Variants in LRP1B observed in about 807,000 individuals in gnomAD.
LRP1B encodes the protein LDL receptor related protein 1B, also known as low-density lipoprotein receptor-related protein 1B.
LRP1B carries 217 observed loss-of-function variants against 556.6 expected under a neutral mutation model. The observed-to-expected ratio is 0.39, with a 90% CI of 0.35 to 0.44. The LOEUF is 0.44. LRP1B is among the 20% of genes least tolerant of loss of function. The probability of loss-of-function intolerance (pLI) is 1.00; values close to 1 mark genes in which losing one functional copy is unlikely to be tolerated. For synonymous variants in LRP1B, 2,047 were observed against 1,865.8 expected (o/e 1.10, Z -2.50); for missense variants, 5,053 against 5,620.8 (o/e 0.90, Z 3.23).
chr2:141,131,571 T>C (rs147112384), intron 7 of LRP1B, among the ~76,000 whole-genome samples: 2,204 of 151,742 alleles, frequency 0.015, 23 homozygotes, highest in Middle Eastern at 0.045. Context: ...TTTTACATTC[T>C]ATACAAAAAA....
intron 25 of LRP1B, among the ~76,000 whole-genome samples, chr2:140,870,341 T>A (rs1693089791): frequency 6.6e-6 from 1 of 152,124 alleles, no homozygotes; most frequent in Non-Finnish European, 1.5e-5. Context: ...TTGTCTATTG[T>A]TTGAGCTCAT....
chr2:140,988,100 C>A (rs1280923699), intron 17 of LRP1B, among the ~76,000 whole-genome samples: 1 of 152,080 alleles, frequency 6.6e-6, no homozygotes, highest in Non-Finnish European at 1.5e-5. Context: ...AGCTAATATG[C>A]AGGATAATAT....
In LRP1B at chr2:140,716,771, C is replaced by T. The variant is rs1403725548; in HGVS notation, c.5804G>A (p.Ser1935Asn). 6.2e-7 allele frequency: 1 copy of T among 1,609,446 alleles called. No homozygotes were observed. The highest frequency in any genetic ancestry group is 1.3e-5 in the African/African-American group (1 of 74,678). ...YWTDMGFNKISRAKRDQTWKE... is the reference protein window; with the variant it reads ...YWTDMGFNKINRAKRDQTWKE... ...CCAAGTCTGATCTCTTTTAGCTCTGCTAATTTTATTGAAGCCCATGTCTGT... is the reference window on the plus strand; with the variant it reads ...CCAAGTCTGATCTCTTTTAGCTCTGTTAATTTTATTGAAGCCCATGTCTGT... Residue 1935 changes from serine to asparagine, a missense_variant, in exon 36 of 91, where the codon AGC (serine) becomes AAC (asparagine). Ser to Asn is a conservative substitution (Grantham distance 46). Coordinates refer to ENST00000389484, the MANE Select transcript of LRP1B (RefSeq NM_018557.3).
intron 83 of LRP1B, among the ~76,000 whole-genome samples, chr2:140,303,658 TAAA>T (rs1345741936): frequency 1.3e-5 from 2 of 152,272 alleles, no homozygotes; most frequent in East Asian, 1.9e-4. Flanking sequence ...TATTTTTTAA[TAAA>T]AAATCTTTTT....
At chr2:140,986,061 T>C (rs1696913423) in intron 17 of LRP1B, among the ~76,000 whole-genome samples, 2 of 151,780 alleles carry the variant, frequency 1.3e-5, no homozygotes, top group South Asian at 4.1e-4. Flanking sequence ...AAAATTATTT[T>C]ATATTTTATA....
At chr2:141,878,859 G>A (rs1574456882) in intron 1 of LRP1B, among the ~76,000 whole-genome samples, 1 of 151,880 alleles carries the variant, frequency 6.6e-6, no homozygotes, top group South Asian at 2.1e-4. Context: ...TCCTTGAAGG[G>A]TTATTTCTTC....
intron 3 of LRP1B, among the ~76,000 whole-genome samples, chr2:141,318,071 C>T (rs776230277): frequency 6.6e-6 from 1 of 152,140 alleles, no homozygotes; most frequent in Non-Finnish European, 1.5e-5. Flanking sequence ...GGGTTAACTT[C>T]TGATGTCTTG....
At chr2:141,050,207 AT>A (rs2105447792) in intron 10 of LRP1B, among the ~76,000 whole-genome samples, 1 of 152,024 alleles carries the variant, frequency 6.6e-6, no homozygotes, top group East Asian at 1.9e-4. Context: ...AAATAATAAA[AT>A]AAAAAATAAG....
At chr2:141,315,701 T>C (rs969968195) in intron 3 of LRP1B, among the ~76,000 whole-genome samples, 13 of 151,998 alleles carry the variant, frequency 8.6e-5, no homozygotes, top group Admixed American at 6.5e-4. Flanking sequence ...GAAGATTCTC[T>C]GACTTTGATG....
intron 21 of LRP1B, among the ~76,000 whole-genome samples, chr2:140,914,479 G>A (rs1694515837): frequency 6.6e-6 from 1 of 152,254 alleles, no homozygotes; most frequent in Admixed American, 6.5e-5. Flanking sequence ...AGAATGTTCA[G>A]CAATGCATCG....
At chr2:140,444,245 T>C in intron 65 of LRP1B, 85 bp downstream of exon 65, 1 of 1,380,716 alleles carries the variant, frequency 7.2e-7, no homozygotes, top group Non-Finnish European at 1.0e-6. Context: ...CTACATCATA[T>C]GAATTTATGA....
At chr2:142,112,176 CTCTAG>C (rs1707016533) in intron 1 of LRP1B, among the ~76,000 whole-genome samples, 1 of 152,022 alleles carries the variant, frequency 6.6e-6, no homozygotes, top group African/African-American at 2.4e-5. Context: ...CTCAACCTTA[CTCTAG>C]TCTAGGCGAT....
intron 41 of LRP1B, among the ~76,000 whole-genome samples, chr2:140,685,069 CA>C (rs1297392740): frequency 1.8e-4 from 28 of 152,058 alleles, no homozygotes; most frequent in Non-Finnish European, 1.3e-4. Flanking sequence ...TGCAAATATT[CA>C]AAAAACACTG....
At chr2:141,963,042 G>T (rs1701446247) in intron 1 of LRP1B, among the ~76,000 whole-genome samples, 1 of 151,558 alleles carries the variant, frequency 6.6e-6, no homozygotes, top group African/African-American at 2.4e-5. Flanking sequence ...ATGATTTCAA[G>T]CCAAAGTGAC....
intron 71 of LRP1B, among the ~76,000 whole-genome samples, chr2:140,366,144 G>A (rs1412624386): frequency 6.6e-6 from 1 of 151,650 alleles, no homozygotes; most frequent in Non-Finnish European, 1.5e-5. Context: ...AGACAACACT[G>A]GAGGAAAAAG....
intron 10 of LRP1B, among the ~76,000 whole-genome samples, chr2:141,051,784 GATTA>G (rs555046111): frequency 1.0e-3 from 157 of 151,970 alleles, no homozygotes; most frequent in African/African-American, 3.6e-3. Context: ...TGAATTTTGT[GATTA>G]ATATTATTTT....
At chr2:141,123,041 T>C (rs943639184) in intron 7 of LRP1B, among the ~76,000 whole-genome samples, 1 of 151,934 alleles carries the variant, frequency 6.6e-6, no homozygotes, top group African/African-American at 2.4e-5. Context: ...TAGGTGGGAA[T>C]TGAACAGTGA....
At chr2:141,266,759 C>T (rs1343764219) in intron 3 of LRP1B, among the ~76,000 whole-genome samples, 2 of 152,064 alleles carry the variant, frequency 1.3e-5, no homozygotes, top group Non-Finnish European at 2.9e-5. Context: ...GATTTTATTA[C>T]ACAGATAATT....
At chr2:140,539,963 A>G (rs1680072251) in intron 45 of LRP1B, among the ~76,000 whole-genome samples, 1 of 152,128 alleles carries the variant, frequency 6.6e-6, no homozygotes, top group African/African-American at 2.4e-5. Flanking sequence ...ATCAACTTTC[A>G]CAGTGAGAAA....
Sources: allele counts gnomAD v4.1 joint callset (sites outside exome capture counted in the v4.1 genomes callset), GRCh38; gene constraint gnomAD v4.1.1; transcripts MANE v1.5; gene names NCBI Gene and HGNC (gene_info 2026-07-23, HGNC 2026-07-21).